Variants in MIGA1 observed in about 807,000 individuals in gnomAD.
MIGA1 encodes the protein mitoguardin 1, also known as family with sequence similarity 73, member A.
In MIGA1, 58 loss-of-function variants were observed where a neutral mutation model predicts 82.0. That is an observed-to-expected ratio of 0.71 (90% CI 0.57 to 0.88). MIGA1 has a LOEUF of 0.88. Ranked by LOEUF, MIGA1 falls within the 40% of genes least tolerant of loss-of-function variation. The probability of loss-of-function intolerance (pLI) is 0.00; values close to 1 mark genes in which losing one functional copy is unlikely to be tolerated. For synonymous variants in MIGA1, 249 were observed against 253.6 expected, an observed-to-expected ratio of 0.98 and a Z score of 0.17; for missense variants, 751 against 749.1, an observed-to-expected ratio of 1.00 and a Z score of -0.03.
chr1:77,873,171 G>A (rs186023477), intron 15 of MIGA1, 51 bp downstream of exon 15: 1 of 1,537,466 alleles, frequency 6.5e-7, no homozygotes, highest in East Asian at 2.2e-5. Context: ...TCAAAAAGGA[G>A]ATACGGTTTT....
rs938334984 is a variant in MIGA1, at chr1:77,780,050, C to T, written c.81+314C>T. ...GAAGCGCGGAATTGGGATGGGCTCG[C>T]CACTGCTCTGAGCCAGAGGAAGGGT... On this transcript the variant is annotated intron_variant, in intron 1 of 15. Transcript: ENST00000370791. 3.5e-6 allele frequency: 4 copies of T among 1,127,742 alleles called. No homozygotes were observed. The African/African-American group carries it at 6.6e-5, about 19-fold the overall frequency. 69.9% of individuals were successfully genotyped at this position (1,127,742 alleles called of 1,614,324 possible). A position where few individuals can be genotyped will look rare whatever the true frequency, so the allele number is the denominator to read the frequency against.
At chr1:77,819,592 A>AT (rs1386657560) in intron 7 of MIGA1, among the ~76,000 whole-genome samples, 10 of 144,706 alleles carry the variant, frequency 6.9e-5, no homozygotes, top group South Asian at 4.5e-4. Context: ...CCTATTCTTT[A>AT]TTTTTTTGAG....
At chr1:77,815,039 G>A in intron 6 of MIGA1, 69 bp from the exon 7 acceptor site, 4 of 1,120,796 alleles carry the variant, frequency 3.6e-6, no homozygotes, top group Non-Finnish European at 4.8e-6. Context: ...TTATTTAAAA[G>A]TGGGAAAAAT....
intron 8 of MIGA1, among the ~76,000 whole-genome samples, chr1:77,851,585 A>G (rs971745468): frequency 5.3e-5 from 8 of 152,176 alleles, no homozygotes; most frequent in African/African-American, 1.9e-4. Context: ...CTTTTTGTTT[A>G]AAAAAGTTTA....
At chr1:77,798,006 T>G (rs1164574623) in intron 2 of MIGA1, among the ~76,000 whole-genome samples, 7 of 152,246 alleles carry the variant, frequency 4.6e-5, no homozygotes, top group African/African-American at 1.7e-4. Flanking sequence ...CTTGCCTTGT[T>G]CATGATCTTA....
chr1:77,791,335 A>G (rs1003559441), intron 2 of MIGA1, among the ~76,000 whole-genome samples: 13 of 151,412 alleles, frequency 8.6e-5, no homozygotes, highest in African/African-American at 3.2e-4. Flanking sequence ...TTCACTCAGC[A>G]TAATGCCCTT....
chr1:77,795,108 C>T (rs986646895), intron 2 of MIGA1, among the ~76,000 whole-genome samples: 8 of 151,764 alleles, frequency 5.3e-5, no homozygotes, highest in African/African-American at 9.7e-5. Context: ...GGACTACAGG[C>T]GCATGCCACC....
chr1:77,796,340 G>A (rs944274885), intron 2 of MIGA1, among the ~76,000 whole-genome samples: 3 of 151,700 alleles, frequency 2.0e-5, no homozygotes, highest in South Asian at 2.1e-4. Flanking sequence ...GGATGGTCTC[G>A]ATCTCCTGAC....
intron 2 of MIGA1, among the ~76,000 whole-genome samples, chr1:77,789,286 G>A (rs891263539): frequency 1.4e-5 from 2 of 146,094 alleles, no homozygotes; most frequent in Non-Finnish European, 3.0e-5. Context: ...ATGGCTCACT[G>A]CAGCTGAATC....
intron 7 of MIGA1, among the ~76,000 whole-genome samples, chr1:77,826,799 C>G (rs1177756460): frequency 6.6e-6 from 1 of 151,450 alleles, no homozygotes; most frequent in Non-Finnish European, 1.5e-5. Flanking sequence ...ATTAAGAACA[C>G]AAAAAGAGCC....
At chr1:77,822,174 C>T (rs1241772195) in intron 7 of MIGA1, among the ~76,000 whole-genome samples, 1 of 143,864 alleles carries the variant, frequency 7.0e-6, no homozygotes, top group Admixed American at 7.5e-5. Context: ...TTTTGTATGT[C>T]AGTAATAGCT....
intron 2 of MIGA1, among the ~76,000 whole-genome samples, chr1:77,790,557 C>T (rs925011541): frequency 8.7e-5 from 13 of 149,986 alleles, no homozygotes; most frequent in Non-Finnish European, 1.3e-4. Flanking sequence ...TGAACCACTG[C>T]GCCCGGCCCC....
intron 14 of MIGA1, 91 bp from the exon 15 acceptor site, chr1:77,872,913 C>A: frequency 6.6e-7 from 1 of 1,522,898 alleles, no homozygotes; most frequent in South Asian, 1.2e-5. Context: ...TCCCACTGGT[C>A]ATATAATGAA....
chr1:77,825,884 C>A (rs1422278433), intron 7 of MIGA1, among the ~76,000 whole-genome samples: 1 of 152,130 alleles, frequency 6.6e-6, no homozygotes, highest in Non-Finnish European at 1.5e-5. Flanking sequence ...GGCTCTACCC[C>A]TCTTGCTAGC....
intron 2 of MIGA1, among the ~76,000 whole-genome samples, chr1:77,793,741 A>G (rs1423188673): frequency 6.7e-6 from 1 of 149,644 alleles, no homozygotes; most frequent in Non-Finnish European, 1.5e-5. Flanking sequence ...CTGGGATTAC[A>G]GGCGTGAACC....
chr1:77,838,694 C>A (rs1684519540), intron 7 of MIGA1, among the ~76,000 whole-genome samples: 1 of 152,212 alleles, frequency 6.6e-6, no homozygotes, highest in African/African-American at 2.4e-5. Context: ...GTGATCCACC[C>A]ACCTTGGTCT....
intron 11 of MIGA1, chr1:77,860,370 G>A: frequency 2.3e-6 from 1 of 426,666 alleles, no homozygotes; most frequent in East Asian, 4.1e-5. Context: ...ATTATCATTA[G>A]ATCTGCTGCT....
chr1:77,829,759 C>A (rs1684171256), intron 7 of MIGA1, among the ~76,000 whole-genome samples: 1 of 152,126 alleles, frequency 6.6e-6, no homozygotes, highest in African/African-American at 2.4e-5. Context: ...GCGTGACCCA[C>A]TGCGCCCGGC....
chr1:77,783,313 T>C lies in MIGA1; in HGVS notation c.157T>C (p.Phe53Leu), dbSNP rs1333919126. 1 of 1,602,346 alleles carries C rather than the reference T, an allele frequency of 6.2e-7. No homozygotes were observed. Residue 53 changes from phenylalanine to leucine, a missense_variant, in exon 2 of 16, where the codon TTT becomes CTT. By Grantham distance (22) the Phe-to-Leu change is conservative. Coordinates refer to ENST00000370791, the MANE Select transcript of MIGA1 (RefSeq NM_198549.4). Reference sequence around the variant, plus strand: ...CTTGAAGACAGCAGCGCTAAGAGTGTTTGATCTTCCTCTGACTTGGTACTA... The same window carrying C: ...CTTGAAGACAGCAGCGCTAAGAGTGCTTGATCTTCCTCTGACTTGGTACTA...
Sources: allele counts gnomAD v4.1 joint callset (sites outside exome capture counted in the v4.1 genomes callset), GRCh38; gene constraint gnomAD v4.1.1; transcripts MANE v1.5; gene names NCBI Gene and HGNC (gene_info 2026-07-23, HGNC 2026-07-21).